Variants in ATP9A observed in about 807,000 individuals in gnomAD.
ATP9A encodes the protein ATPase phospholipid transporting 9A, also known as probable phospholipid-transporting ATPase IIA.
ATP9A carries 52 observed loss-of-function variants against 144.1 expected under a neutral mutation model. That is an observed-to-expected ratio of 0.36 (90% confidence interval 0.29 to 0.45). ATP9A has a LOEUF of 0.45. Among genes scored for constraint, ATP9A ranks in the 20% least tolerant of loss-of-function variants. ATP9A has a pLI of 1.00. For synonymous variants in ATP9A, 582 were observed against 557.4 expected (o/e 1.04, Z -0.62); for missense variants, 947 against 1,392.7 (o/e 0.68, Z 5.09).
At chr20:51,766,015 T>C (rs1461064223) in intron 1 of ATP9A, among the ~76,000 whole-genome samples, 1 of 152,216 alleles carries the variant, frequency 6.6e-6, no homozygotes, top group Non-Finnish European at 1.5e-5. Flanking sequence ...TGATGCTCCA[T>C]TCCAACGCAA....
rs1385524030 is a variant in ATP9A, at chr20:51,760,286, C to G, written c.68+8016G>C. On this transcript the variant is annotated intron_variant, in intron 1 of 27. Transcript: ENST00000338821. The stretch of plus-strand genomic sequence containing the variant: ...CATTAAATATGCGGTTTTTAAAAAA[C>G]AGAAACACACCTAAAACGAGGTTCT... Among the ~76,000 whole-genome samples the G allele has an allele frequency of 2.6e-5, 4 of 152,100 alleles. No homozygotes were observed. In the East Asian group the frequency reaches 5.8e-4, roughly 22 times the overall value.
At chr20:51,738,506 C>T (rs1021077930) in intron 1 of ATP9A, among the ~76,000 whole-genome samples, 1 of 151,198 alleles carries the variant, frequency 6.6e-6, no homozygotes, top group Non-Finnish European at 1.5e-5. Context: ...GAGTTCACGA[C>T]CAGCCTTGCC....
intron 1 of ATP9A, among the ~76,000 whole-genome samples, chr20:51,761,033 A>G (rs2077878131): frequency 6.6e-6 from 1 of 152,216 alleles, no homozygotes; most frequent in East Asian, 1.9e-4. Context: ...CTCAAAATAA[A>G]AAACAAGAAT....
At position 51,761,178 on chromosome 20, in the gene ATP9A, GA is replaced by G. The variant is rs527328965; in HGVS notation, c.68+7123del. ...ACATCAAAGGGCCATTGTGCAGCATGAAAGAGGAAACATGAGTTCAGAGCCA... is the reference window on the plus strand; with the variant it reads ...ACATCAAAGGGCCATTGTGCAGCATGAAGAGGAAACATGAGTTCAGAGCCA... On this transcript the variant is annotated intron_variant, in intron 1 of 27. Coordinates refer to ENST00000338821, the MANE Select transcript of ATP9A (RefSeq NM_006045.3). Among the ~76,000 whole-genome samples, 460 of 152,338 alleles carry G rather than the reference GA, an allele frequency of 3.0e-3. 1 individual carries two copies. Among genetic ancestry groups the G allele is most frequent in the Non-Finnish European group, 4.9e-3 (330 of 68,032 alleles).
chr20:51,616,865 A>G (rs2077205078), intron 22 of ATP9A, among the ~76,000 whole-genome samples: 1 of 152,138 alleles, frequency 6.6e-6, no homozygotes, highest in Non-Finnish European at 1.5e-5. Flanking sequence ...AGGATAACTA[A>G]TGCTTTTACT....
intron 4 of ATP9A, among the ~76,000 whole-genome samples, chr20:51,707,079 C>T (rs1178144951): frequency 2.0e-5 from 3 of 152,186 alleles, no homozygotes; most frequent in Non-Finnish European, 4.4e-5. Flanking sequence ...CAGGCTGCAG[C>T]TTTGCATTCG....
At chr20:51,654,817 G>A (rs1297284088) in intron 14 of ATP9A, among the ~76,000 whole-genome samples, 1 of 152,176 alleles carries the variant, frequency 6.6e-6, no homozygotes, top group Non-Finnish European at 1.5e-5. Context: ...GCCCCACTGT[G>A]GGGGTTCCAT....
At chr20:51,628,050 G>A (rs2077256629) in intron 16 of ATP9A, among the ~76,000 whole-genome samples, 1 of 152,192 alleles carries the variant, frequency 6.6e-6, no homozygotes, top group Non-Finnish European at 1.5e-5. Flanking sequence ...AATGATGGCT[G>A]AGGAGCAGTG....
intron 26 of ATP9A, among the ~76,000 whole-genome samples, chr20:51,606,240 G>C (rs576163593): frequency 7.9e-5 from 12 of 152,254 alleles, no homozygotes; most frequent in Admixed American, 7.9e-4. Flanking sequence ...CTGGACAAAA[G>C]AGCAAAACTC....
At chr20:51,673,630 A>G (rs936856186) in intron 11 of ATP9A, among the ~76,000 whole-genome samples, 13 of 152,170 alleles carry the variant, frequency 8.5e-5, no homozygotes, top group African/African-American at 2.7e-4. Flanking sequence ...AGGCAAGGCA[A>G]GGAAAGATCT....
chr20:51,752,081 T>A (rs77175977), intron 1 of ATP9A, among the ~76,000 whole-genome samples: 14 of 149,306 alleles, frequency 9.4e-5, no homozygotes, highest in African/African-American at 3.2e-4. Context: ...AAAAAAAAAA[T>A]ATATGCTACT....
At chr20:51,697,655 A>G (rs948599832) in intron 4 of ATP9A, among the ~76,000 whole-genome samples, 173 bp from the exon 5 acceptor site, 1 of 152,198 alleles carries the variant, frequency 6.6e-6, no homozygotes, top group Non-Finnish European at 1.5e-5. Context: ...AAAGGGTTCA[A>G]CCGCTACAGA....
At position 51,601,029 on chromosome 20, in the gene ATP9A, G is replaced by A; in HGVS notation, c.*182C>T. ...GACAGGCCCAGATGGGTCTCTTTCA[G>A]GACCCTCCCTCCCGTTGATGCAGCG... On this transcript the variant is annotated 3_prime_UTR_variant, in exon 28 of 28. Transcript: ENST00000338821. The A allele has an allele frequency of 3.1e-6, 2 of 648,466 alleles. No individual in the cohort carries two copies. Among genetic ancestry groups the A allele is most frequent in the Non-Finnish European group, 4.7e-6 (2 of 422,556 alleles). The allele number at this position is 648,466 out of a possible 1,614,324, so 40.2% of individuals were successfully genotyped here. A position where few individuals can be genotyped will look rare whatever the true frequency, so the allele number is the denominator to read the frequency against.
intron 15 of ATP9A, among the ~76,000 whole-genome samples, chr20:51,630,943 TC>T: frequency 6.6e-6 from 1 of 152,232 alleles, no homozygotes; most frequent in Admixed American, 6.5e-5. Flanking sequence ...AAGCCCTGGG[TC>T]TAGGGAGTAA....
chr20:51,725,047 T>G (rs1414046784), intron 3 of ATP9A, among the ~76,000 whole-genome samples: 4 of 152,162 alleles, frequency 2.6e-5, no homozygotes, highest in Admixed American at 2.0e-4. Flanking sequence ...AATGCTCCAG[T>G]GAGCATTTCG....
At chr20:51,623,808 A>T (rs1460687469) in intron 18 of ATP9A, among the ~76,000 whole-genome samples, 1 of 150,948 alleles carries the variant, frequency 6.6e-6, no homozygotes, top group Non-Finnish European at 1.5e-5. Flanking sequence ...AAAAAAAGAA[A>T]GAAAGAAAGA....
intron 3 of ATP9A, 86 bp from the exon 4 acceptor site, chr20:51,713,160 A>G: frequency 7.9e-7 from 1 of 1,266,080 alleles, no homozygotes; most frequent in Non-Finnish European, 1.1e-6. Context: ...AGGGGCAGGA[A>G]AGGCGAGAGG....
intron 3 of ATP9A, among the ~76,000 whole-genome samples, chr20:51,724,918 T>C (rs1024781910): frequency 5.9e-5 from 9 of 152,168 alleles, no homozygotes; most frequent in African/African-American, 1.9e-4. Context: ...AAGGTGAGCA[T>C]CCCTGATGCA....
intron 3 of ATP9A, among the ~76,000 whole-genome samples, chr20:51,724,284 A>G (rs946535294): frequency 9.9e-5 from 15 of 152,216 alleles, no homozygotes; most frequent in African/African-American, 3.6e-4. Context: ...GCATTTCATA[A>G]TACCTCAGTT....
Sources: gnomAD v4.1 joint callset for allele counts (sites outside exome capture counted in the v4.1 genomes callset) on GRCh38, gnomAD v4.1.1 for gene constraint, MANE v1.5 for transcripts, NCBI Gene and HGNC (gene_info 2026-07-23, HGNC 2026-07-21) for gene names.